The following AP3B1 variants were observed in gnomAD, a reference collection of about 807,000 sequenced individuals.
AP3B1 encodes the protein AP-3 complex subunit beta-1.
In AP3B1, 61 loss-of-function variants were observed where a neutral mutation model predicts 132.5. The observed-to-expected ratio is 0.46, with a 90% CI of 0.37 to 0.57. The LOEUF is 0.57. Ranked by LOEUF, AP3B1 falls within the 20% of genes least tolerant of loss-of-function variation. The pLI is 0.00. For missense variants in AP3B1, 1,120 were observed against 1,289.4 expected (o/e 0.87, Z 2.01); for synonymous variants, 388 against 438.3 (o/e 0.89, Z 1.43).
At chr5:78,200,128 T>C (rs1745231020) in intron 7 of AP3B1, among the ~76,000 whole-genome samples, 1 of 152,062 alleles carries the variant, frequency 6.6e-6, no homozygotes, top group South Asian at 2.1e-4. Flanking sequence ...TGAAAACATA[T>C]GCTTACACAA....
intron 21 of AP3B1, among the ~76,000 whole-genome samples, chr5:78,089,995 T>C (rs1561398380): frequency 6.6e-6 from 1 of 152,220 alleles, no homozygotes; most frequent in African/African-American, 2.4e-5. Context: ...TAGATAGAAA[T>C]GTTTGACTGA....
intron 22 of AP3B1, among the ~76,000 whole-genome samples, chr5:78,066,711 T>A (rs1305966592): frequency 1.3e-5 from 2 of 151,788 alleles, no homozygotes; most frequent in Admixed American, 6.6e-5. Context: ...CTAAAAGAGA[T>A]GGGGAGAATG....
At chr5:78,173,913 C>T (rs1744032753) in intron 11 of AP3B1, among the ~76,000 whole-genome samples, 1 of 152,138 alleles carries the variant, frequency 6.6e-6, no homozygotes, top group African/African-American at 2.4e-5. Flanking sequence ...ACCTCGTCTT[C>T]TCACTTTTTT....
chr5:78,015,585 C>T (rs764580909), intron 25 of AP3B1, 37 bp from the exon 26 acceptor site: 1 of 1,608,372 alleles, frequency 6.2e-7, no homozygotes, highest in Non-Finnish European at 8.5e-7. Flanking sequence ...TTATTAATTT[C>T]TTTTTGAAAA....
intron 15 of AP3B1, among the ~76,000 whole-genome samples, chr5:78,133,154 C>A (rs964233000): frequency 6.6e-6 from 1 of 152,180 alleles, no homozygotes; most frequent in Non-Finnish European, 1.5e-5. Context: ...GCTGGTATAT[C>A]AAGTTGCTGG....
intron 22 of AP3B1, 143 bp downstream of exon 22, chr5:78,089,250 A>T: frequency 1.5e-6 from 1 of 656,474 alleles, no homozygotes; most frequent in Non-Finnish European, 2.7e-6. Context: ...TTAAAAAATT[A>T]AAAGGTCTTA....
chr5:78,039,308 T>G (rs748349624), intron 22 of AP3B1, 34 bp from the exon 23 acceptor site: 6 of 1,478,940 alleles, frequency 4.1e-6, no homozygotes, highest in Non-Finnish European at 5.7e-6. Flanking sequence ...AAAAGATGAG[T>G]TAGTGAATAT....
intron 11 of AP3B1, among the ~76,000 whole-genome samples, chr5:78,167,877 G>T (rs1309434625): frequency 6.6e-6 from 1 of 151,800 alleles, no homozygotes. Flanking sequence ...AAAGGGTGGG[G>T]GGTGGTGAGG....
At chr5:78,127,754 G>T (rs1275338635) in intron 17 of AP3B1, among the ~76,000 whole-genome samples, 1 of 152,104 alleles carries the variant, frequency 6.6e-6, no homozygotes, top group Admixed American at 6.6e-5. Flanking sequence ...TTGAATCTAC[G>T]CGGCTACAAA....
At chr5:78,048,016 A>G (rs1383197203) in intron 22 of AP3B1, among the ~76,000 whole-genome samples, 1 of 152,218 alleles carries the variant, frequency 6.6e-6, no homozygotes, top group African/African-American at 2.4e-5. Flanking sequence ...TGAAAGGGTG[A>G]ATAGGAGCTA....
chr5:78,025,164 C>T (rs1747289732), intron 24 of AP3B1, among the ~76,000 whole-genome samples: 1 of 152,170 alleles, frequency 6.6e-6, no homozygotes, highest in Non-Finnish European at 1.5e-5. Context: ...TAGGGAACCA[C>T]TGAGTTACAT....
chr5:78,257,865 C>T (rs930541926), intron 2 of AP3B1, among the ~76,000 whole-genome samples: 1 of 152,124 alleles, frequency 6.6e-6, no homozygotes, highest in African/African-American at 2.4e-5. Flanking sequence ...AACAAATCCA[C>T]ACACCTACAG....
At chr5:78,230,004 C>T (rs1393383926) in intron 3 of AP3B1, among the ~76,000 whole-genome samples, 1 of 152,064 alleles carries the variant, frequency 6.6e-6, no homozygotes, top group Admixed American at 6.6e-5. Flanking sequence ...AAACTCACTC[C>T]AATTTTTTTC....
At chr5:78,251,319 G>A (rs1209939845) in intron 2 of AP3B1, among the ~76,000 whole-genome samples, 2 of 152,132 alleles carry the variant, frequency 1.3e-5, no homozygotes, top group African/African-American at 4.8e-5. Context: ...GGACAAAAAA[G>A]TTAACAACTA....
intron 24 of AP3B1, among the ~76,000 whole-genome samples, chr5:78,033,886 G>GC (rs1747684812): frequency 6.9e-6 from 1 of 145,102 alleles, no homozygotes; most frequent in Non-Finnish European, 1.6e-5. Flanking sequence ...GATGTAAAAA[G>GC]GAAAAAAAAA....
At chr5:78,276,213 G>T (rs1355697401) in intron 1 of AP3B1, among the ~76,000 whole-genome samples, 1 of 152,058 alleles carries the variant, frequency 6.6e-6, no homozygotes, top group Non-Finnish European at 1.5e-5. Flanking sequence ...CTACAGGCAT[G>T]TGCTACCTTG....
At chr5:78,197,188 T>G (rs982828696) in intron 7 of AP3B1, among the ~76,000 whole-genome samples, 2 of 152,172 alleles carry the variant, frequency 1.3e-5, no homozygotes, top group African/African-American at 4.8e-5. Context: ...AGCTTATTTT[T>G]ATTTTTAAGA....
chr5:78,003,669 T>A (rs1434280087), intron 26 of AP3B1, among the ~76,000 whole-genome samples: 1 of 152,210 alleles, frequency 6.6e-6, no homozygotes, highest in African/African-American at 2.4e-5. Context: ...TTTTTCTTTG[T>A]TTTGAAATGT....
chr5:78,025,826 T>A (rs186812899), intron 24 of AP3B1, among the ~76,000 whole-genome samples: 6 of 152,320 alleles, frequency 3.9e-5, no homozygotes, highest in African/African-American at 7.2e-5. Context: ...TGCAGTTGGG[T>A]TTCTGTTACA....
Sources: allele counts gnomAD v4.1 joint callset (sites outside exome capture counted in the v4.1 genomes callset), GRCh38; gene constraint gnomAD v4.1.1; transcripts MANE v1.5; gene names NCBI Gene and HGNC (gene_info 2026-07-23, HGNC 2026-07-21).